The following CYFIP2 variants were observed in gnomAD, a reference collection of about 807,000 sequenced individuals.
CYFIP2 encodes cytoplasmic FMR1-interacting protein 2.
Under a neutral mutation model 158.7 loss-of-function variants are expected in CYFIP2, and 29 were observed. That is an observed-to-expected ratio of 0.18 (90% CI 0.14 to 0.25). The LOEUF (loss-of-function observed/expected upper bound fraction) is 0.25, where lower values mean the gene tolerates loss of function less well. Among genes scored for constraint, CYFIP2 ranks in the 10% least tolerant of loss-of-function variants. The pLI is 1.00. For synonymous variants in CYFIP2, 585 were observed against 617.6 expected (o/e 0.95, Z 0.78); for missense variants, 852 against 1,639.5 (o/e 0.52, Z 8.29).
Position 157,319,898 on chromosome 5 carries a change from C to T in CYFIP2, c.1493C>T (p.Ala498Val), listed in dbSNP as rs753188984. 2 of 1,613,968 alleles carry T rather than the reference C, an allele frequency of 1.2e-6. No individual in the cohort carries two copies. Among genetic ancestry groups the T allele is most frequent in the East Asian group, 2.2e-5 (1 of 44,888 alleles). ...ACGCTGCGTGAGCCCCTGCGGCAGG[C>T]GGTACGGAAGAAGAAGAATGTCCTC... Reference protein sequence around the residue: ...QVTLREPLRQAVRKKKNVLIS... With the variant: ...QVTLREPLRQVVRKKKNVLIS... Residue 498 changes from alanine (A) to valine (V), a missense_variant, in exon 14 of 31, where the codon GCG (alanine) becomes GTG (valine). Physicochemically the swap from Ala to Val is moderately conservative, Grantham distance 64 (BLOSUM62 0). Around this residue, in one of 8 missense-constraint regions of CYFIP2, gnomAD observed 167 missense variants for 343.3 expected, o/e 0.49. Transcript: ENST00000620254.
chr5:157,390,425 T>G, intron 29 of CYFIP2, 96 bp from the exon 30 acceptor site: 1 of 1,226,022 alleles, frequency 8.2e-7, no homozygotes, highest in South Asian at 1.5e-5. Context: ...ACAGGCCTGC[T>G]TAGTAGCTGT....
chr5:157,323,117 CACAG>C, intron 15 of CYFIP2: 1 of 1,119,162 alleles, frequency 8.9e-7, no homozygotes, highest in Non-Finnish European at 1.3e-6. Flanking sequence ...CCCTAAGATT[CACAG>C]ACAAATGATG....
intron 11 of CYFIP2, 33 bp from the exon 12 acceptor site, chr5:157,314,311 T>C: frequency 6.2e-7 from 1 of 1,606,684 alleles, no homozygotes; most frequent in Non-Finnish European, 8.5e-7. Flanking sequence ...GTCAGGCACA[T>C]AGACCATGAG....
At chr5:157,377,681 GGCTCTATTCAA>G (rs1765618675) in intron 26 of CYFIP2, among the ~76,000 whole-genome samples, 1 of 152,190 alleles carries the variant, frequency 6.6e-6, no homozygotes, top group African/African-American at 2.4e-5. Context: ...CTCTGGCTCA[GGCTCTATTCAA>G]GTCAGAATGA....
At chr5:157,349,361 C>T (rs966818126) in intron 23 of CYFIP2, among the ~76,000 whole-genome samples, 4 of 152,188 alleles carry the variant, frequency 2.6e-5, no homozygotes, top group East Asian at 3.8e-4. Flanking sequence ...CAAGTGAGAA[C>T]ATAATCATGT....
At chr5:157,372,437 T>G (rs1163402863) in intron 26 of CYFIP2, among the ~76,000 whole-genome samples, 3 of 152,220 alleles carry the variant, frequency 2.0e-5, no homozygotes, top group African/African-American at 7.2e-5. Flanking sequence ...ATATTTTATG[T>G]GTTTAGAATT....
chr5:157,341,269 G>C, intron 23 of CYFIP2, 112 bp downstream of exon 23: 2 of 1,005,490 alleles, frequency 2.0e-6, no homozygotes, highest in Non-Finnish European at 3.1e-6. Context: ...GCAGCAATGA[G>C]GTCAGGCACA....
intron 20 of CYFIP2, among the ~76,000 whole-genome samples, chr5:157,331,081 A>G (rs892855510): frequency 6.6e-6 from 1 of 152,098 alleles, no homozygotes; most frequent in African/African-American, 2.4e-5. Context: ...CCAACCTCTG[A>G]CAAGTTATGG....
chr5:157,366,024 C>T (rs2113401610), intron 26 of CYFIP2, among the ~76,000 whole-genome samples: 1 of 152,084 alleles, frequency 6.6e-6, no homozygotes, highest in Middle Eastern at 3.4e-3. Flanking sequence ...AGGGAAATAC[C>T]TATTAGGTTA....
At chr5:157,316,882 G>A (rs866134038) in intron 13 of CYFIP2, among the ~76,000 whole-genome samples, 2 of 152,160 alleles carry the variant, frequency 1.3e-5, no homozygotes, top group African/African-American at 4.8e-5. Context: ...AAAGGACTGA[G>A]GCTCGGTGGC....
chr5:157,321,846 C>T (rs186880041), intron 15 of CYFIP2, among the ~76,000 whole-genome samples: 81 of 152,312 alleles, frequency 5.3e-4, no homozygotes, highest in East Asian at 4.1e-3. Flanking sequence ...GGTTGTAGAA[C>T]GCCCCAAGGA....
chr5:157,349,751 C>T (rs1762947453), intron 23 of CYFIP2, among the ~76,000 whole-genome samples: 1 of 152,210 alleles, frequency 6.6e-6, no homozygotes, highest in African/African-American at 2.4e-5. Flanking sequence ...AAAGTGTTCC[C>T]TTTTCACCAC....
Position 157,359,039 on chromosome 5 carries a change from C to T in CYFIP2, c.2708C>T (p.Ser903Phe), listed in dbSNP as rs780090044. The T allele has an allele frequency of 3.7e-6, 6 of 1,613,980 alleles. No homozygotes were observed. The highest frequency in any genetic ancestry group is 5.1e-6 in the Non-Finnish European group (6 of 1,179,872). Reference sequence around the variant, plus strand: ...ATTGCCTACAGCCACATCTACAGCTCCTACAGGAATTTCGTGGGGCCACCT... The same window carrying T: ...ATTGCCTACAGCCACATCTACAGCTTCTACAGGAATTTCGTGGGGCCACCT... ...LNIAYSHIYSSYRNFVGPPHF... is the reference protein window; with the variant it reads ...LNIAYSHIYSFYRNFVGPPHF... The change falls in exon 24 of 31, where the codon TCC becomes TTC. Residue 903 changes from serine (S) to phenylalanine (F), a missense_variant. Around this residue, in one of 8 missense-constraint regions of CYFIP2, gnomAD observed 191 missense variants for 311.2 expected, o/e 0.61. Transcript: ENST00000620254.
Position 157,373,437 on chromosome 5 carries a change from T to TA in CYFIP2, c.3040-9152dup, listed in dbSNP as rs1394752755. ...TCTATCACAGTGTCTGAAATTCTAT[T>TA]AGAGACTCGCTCCATGGGTTTGGAA... On this transcript the variant is annotated intron_variant, in intron 26 of 30. Coordinates refer to ENST00000620254, the MANE Select transcript of CYFIP2 (RefSeq NM_001037333.3). Among the ~76,000 whole-genome samples the TA allele has an allele frequency of 3.3e-5, 5 of 152,278 alleles. No homozygotes were observed. The South Asian group carries it at 1.0e-3, about 32-fold the overall frequency.
chr5:157,322,279 G>A (rs1317477156), intron 15 of CYFIP2, among the ~76,000 whole-genome samples: 3 of 152,136 alleles, frequency 2.0e-5, no homozygotes, highest in South Asian at 2.1e-4. Flanking sequence ...GGTGGAGGTG[G>A]GACAAGAACC....
chr5:157,369,727 A>G (rs1363680567), intron 26 of CYFIP2, among the ~76,000 whole-genome samples: 1 of 152,174 alleles, frequency 6.6e-6, no homozygotes, highest in Non-Finnish European at 1.5e-5. Context: ...GTATTATTCT[A>G]CAATGGACAT....
At chr5:157,338,997 C>A (rs1762056481) in intron 21 of CYFIP2, 60 bp from the exon 22 acceptor site, 1 of 1,492,088 alleles carries the variant, frequency 6.7e-7, no homozygotes, top group Non-Finnish European at 9.0e-7. Context: ...TAAGATAAAA[C>A]ACACACATGT....
chr5:157,294,665 A>G (rs1758104118), intron 3 of CYFIP2, 118 bp from the exon 4 acceptor site: 3 of 681,888 alleles, frequency 4.4e-6, no homozygotes, highest in Non-Finnish European at 5.0e-6. Flanking sequence ...AAGGTCCCCA[A>G]GTGATGTCCA....
intron 13 of CYFIP2, among the ~76,000 whole-genome samples, chr5:157,317,105 AC>A (rs1390842950): frequency 2.0e-5 from 3 of 152,226 alleles, no homozygotes; most frequent in Admixed American, 2.0e-4. Context: ...ATGCGTATGC[AC>A]TGTAAGTGAT....
Sources: allele counts gnomAD v4.1 joint callset (sites outside exome capture counted in the v4.1 genomes callset), GRCh38; gene constraint gnomAD v4.1.1; regional missense constraint gnomAD v4.1.1; transcripts MANE v1.5; gene names NCBI Gene and HGNC (gene_info 2026-07-23, HGNC 2026-07-21).